ADAM23: variants seen among roughly 807,000 people sequenced by gnomAD.
ADAM23 encodes ADAM metallopeptidase domain 23, also known as disintegrin and metalloproteinase domain-containing protein 23.
In ADAM23, 33 loss-of-function variants were observed where a neutral mutation model predicts 120.1. The ratio of observed to expected loss-of-function variants is 0.27; its 90% confidence interval spans 0.21 to 0.37. ADAM23 has a LOEUF of 0.37. Ranked by LOEUF, ADAM23 falls within the 10% of genes least tolerant of loss-of-function variation. The probability of loss-of-function intolerance (pLI) is 1.00; values close to 1 mark genes in which losing one functional copy is unlikely to be tolerated. For missense variants in ADAM23, 862 were observed against 1,058.2 expected (o/e 0.81, Z 2.57); for synonymous variants, 367 against 375.2 (o/e 0.98, Z 0.25).
chr2:206,563,224 A>G (rs1047447814), intron 13 of ADAM23, among the ~76,000 whole-genome samples: 2 of 152,184 alleles, frequency 1.3e-5, no homozygotes, highest in Non-Finnish European at 2.9e-5. Flanking sequence ...TATTTTTTGA[A>G]AATATGAGAC....
At chr2:206,579,884 G>A (rs1467467945) in intron 18 of ADAM23, among the ~76,000 whole-genome samples, 1 of 151,812 alleles carries the variant, frequency 6.6e-6, no homozygotes, top group Non-Finnish European at 1.5e-5. Flanking sequence ...CCATTTGTTT[G>A]TGTCATCCAT....
chr2:206,468,091 G>T (rs1259774439), intron 2 of ADAM23, among the ~76,000 whole-genome samples: 2 of 152,170 alleles, frequency 1.3e-5, no homozygotes, highest in Admixed American at 6.5e-5. Context: ...AGGCCTCTGG[G>T]CCTGTGATGG....
chr2:206,530,003 G>A (rs887436423), intron 3 of ADAM23, among the ~76,000 whole-genome samples: 1 of 152,072 alleles, frequency 6.6e-6, no homozygotes, highest in Non-Finnish European at 1.5e-5. Context: ...TAGAGATGGG[G>A]TTTCACCATA....
At chr2:206,589,919 G>A (rs976698821) in intron 21 of ADAM23, among the ~76,000 whole-genome samples, 1 of 151,968 alleles carries the variant, frequency 6.6e-6, no homozygotes, top group Non-Finnish European at 1.5e-5. Flanking sequence ...TGCGACCAAC[G>A]TGAAATCTTA....
intron 4 of ADAM23, among the ~76,000 whole-genome samples, chr2:206,532,936 TG>T (rs1697097381): frequency 6.6e-6 from 1 of 152,168 alleles, no homozygotes; most frequent in South Asian, 2.1e-4. Flanking sequence ...GTCAAAGAGT[TG>T]GTACAATTTT....
chr2:206,538,422 T>C (rs949290253), intron 4 of ADAM23, among the ~76,000 whole-genome samples: 4 of 152,184 alleles, frequency 2.6e-5, no homozygotes, highest in Non-Finnish European at 5.9e-5. Context: ...TTTAAAGATA[T>C]GTATATAGAA....
intron 2 of ADAM23, among the ~76,000 whole-genome samples, chr2:206,457,770 C>T (rs1056230679): frequency 2.6e-5 from 4 of 152,142 alleles, no homozygotes; most frequent in African/African-American, 9.7e-5. Context: ...GACATTCGTA[C>T]CATTCTAGAA....
At chr2:206,559,555 C>G (rs368297622) in intron 10 of ADAM23, among the ~76,000 whole-genome samples, 1 of 152,164 alleles carries the variant, frequency 6.6e-6, no homozygotes, top group Non-Finnish European at 1.5e-5. Flanking sequence ...TCATTCCAAT[C>G]CAGCAGGAAT....
At chr2:206,557,099 G>C (rs752824306) in intron 9 of ADAM23, among the ~76,000 whole-genome samples, 3 of 148,268 alleles carry the variant, frequency 2.0e-5, no homozygotes, top group Non-Finnish European at 4.5e-5. Context: ...GTTTTTTTTT[G>C]AAAAAAATTT....
At chr2:206,508,297 A>T (rs1696543715) in intron 3 of ADAM23, among the ~76,000 whole-genome samples, 1 of 152,152 alleles carries the variant, frequency 6.6e-6, no homozygotes, top group African/African-American at 2.4e-5. Context: ...AAGTGCTGGG[A>T]TTACAGGCGT....
At chr2:206,527,012 T>C (rs1268718138) in intron 3 of ADAM23, among the ~76,000 whole-genome samples, 3 of 152,204 alleles carry the variant, frequency 2.0e-5, no homozygotes, top group Non-Finnish European at 4.4e-5. Flanking sequence ...CCTACGTTTA[T>C]TCATTTACTT....
intron 20 of ADAM23, among the ~76,000 whole-genome samples, chr2:206,588,676 A>G (rs1054934848): frequency 6.6e-6 from 1 of 152,212 alleles, no homozygotes; most frequent in African/African-American, 2.4e-5. Context: ...GTTCACGTGC[A>G]TATCCTCTTC....
intron 3 of ADAM23, among the ~76,000 whole-genome samples, chr2:206,503,619 G>A (rs1696435060): frequency 6.6e-6 from 1 of 152,100 alleles, no homozygotes; most frequent in Non-Finnish European, 1.5e-5. Context: ...GCTAATTGAG[G>A]TGCAGTATGT....
intron 2 of ADAM23, among the ~76,000 whole-genome samples, chr2:206,445,728 G>C (rs1695070839): frequency 6.6e-6 from 1 of 152,138 alleles, no homozygotes; most frequent in African/African-American, 2.4e-5. Flanking sequence ...GACTAAACTG[G>C]AACTAGAATT....
intron 3 of ADAM23, among the ~76,000 whole-genome samples, chr2:206,493,133 ATT>A (rs914678488): frequency 6.6e-5 from 10 of 152,122 alleles, no homozygotes; most frequent in African/African-American, 2.4e-4. Flanking sequence ...TTTTAGAACC[ATT>A]TTTTGGATGA....
At chr2:206,447,831 C>T (rs528373706) in intron 2 of ADAM23, among the ~76,000 whole-genome samples, 8 of 152,234 alleles carry the variant, frequency 5.3e-5, no homozygotes, top group South Asian at 4.1e-4. Flanking sequence ...ATCACTGTGC[C>T]TTTCTCATGG....
At chr2:206,449,916 G>A (rs1463574292) in intron 2 of ADAM23, among the ~76,000 whole-genome samples, 1 of 152,158 alleles carries the variant, frequency 6.6e-6, no homozygotes, top group Admixed American at 6.5e-5. Flanking sequence ...GACCTGTGTG[G>A]CTCAGTCTTT....
At chr2:206,540,676 C>A (rs1697272756) in intron 4 of ADAM23, among the ~76,000 whole-genome samples, 1 of 151,758 alleles carries the variant, frequency 6.6e-6, no homozygotes, top group Non-Finnish European at 1.5e-5. Context: ...GGGGGGAAAC[C>A]AAGAAGAAAC....
At chr2:206,542,295 G>A (rs1697307422) in intron 5 of ADAM23, among the ~76,000 whole-genome samples, 161 bp downstream of exon 5, 1 of 152,204 alleles carries the variant, frequency 6.6e-6, no homozygotes, top group South Asian at 2.1e-4. Flanking sequence ...TGAACACTTA[G>A]TGTTTGCAGG....
Sources: gnomAD v4.1 joint callset for allele counts (sites outside exome capture counted in the v4.1 genomes callset) on GRCh38, gnomAD v4.1.1 for gene constraint, MANE v1.5 for transcripts, NCBI Gene and HGNC (gene_info 2026-07-23, HGNC 2026-07-21) for gene names.